The following WDR41 variants were observed in gnomAD, a reference collection of about 807,000 sequenced individuals.
The protein encoded by WDR41 is WD repeat-containing protein 41.
A neutral mutation model predicts 69.3 loss-of-function variants in WDR41; 63 were observed. The ratio of observed to expected loss-of-function variants is 0.91; its 90% confidence interval spans 0.74 to 1.12. The LOEUF (loss-of-function observed/expected upper bound fraction) is 1.12, where lower values mean the gene tolerates loss of function less well. WDR41 is among the 50% of genes most tolerant of loss of function. The probability of loss-of-function intolerance (pLI) is 0.00; values close to 1 mark genes in which losing one functional copy is unlikely to be tolerated. For synonymous variants in WDR41, 185 were observed against 192.1 expected (o/e 0.96, Z 0.31); for missense variants, 543 against 534.5 (o/e 1.02, Z -0.16).
At chr5:77,523,432 C>A (rs1415769654) in intron 1 of WDR41, among the ~76,000 whole-genome samples, 1 of 151,930 alleles carries the variant, frequency 6.6e-6, no homozygotes. Context: ...ATAATTATTT[C>A]TATTTTACAA....
intron 1 of WDR41, chr5:77,583,178 T>G (rs1743972401): frequency 1.2e-6 from 1 of 850,614 alleles, no homozygotes; most frequent in South Asian, 1.6e-5. Context: ...GTACCTGCTC[T>G]CAAATTGAAA....
intron 1 of WDR41, among the ~76,000 whole-genome samples, chr5:77,526,234 T>C (rs572720242): frequency 2.0e-5 from 3 of 152,250 alleles, no homozygotes; most frequent in Admixed American, 6.5e-5. Flanking sequence ...CTGCAAATAT[T>C]TTAAGGCAAA....
At chr5:77,512,327 T>TGAGAGAGAGAGA (rs1477962978) in intron 1 of WDR41, among the ~76,000 whole-genome samples, 1 of 74,036 alleles carries the variant, frequency 1.4e-5, no homozygotes, top group Non-Finnish European at 2.3e-5. Flanking sequence ...TTACATGGGG[T>TGAGAGAGAGAGA]GAGTGAGAGA....
At chr5:77,467,796 C>T (rs923763250) in intron 2 of WDR41, among the ~76,000 whole-genome samples, 2 of 151,914 alleles carry the variant, frequency 1.3e-5, no homozygotes, top group Admixed American at 1.3e-4. Context: ...CCCATATTTT[C>T]CTTTTATCAT....
At chr5:77,498,195 T>A (rs534999117) in intron 1 of WDR41, among the ~76,000 whole-genome samples, 4 of 152,186 alleles carry the variant, frequency 2.6e-5, no homozygotes, top group Non-Finnish European at 5.9e-5. Context: ...GTGAATGTAC[T>A]TAATGTCACT....
intron 1 of WDR41, among the ~76,000 whole-genome samples, chr5:77,606,177 T>C (rs1744414673): frequency 6.6e-6 from 1 of 152,176 alleles, no homozygotes; most frequent in Non-Finnish European, 1.5e-5. Flanking sequence ...ATCTTTTGCA[T>C]AGTCTATGAG....
rs1480601200 is a variant in WDR41, at chr5:77,540,037, T to C, written c.43-50465A>G. Among the ~76,000 whole-genome samples, 6 of 151,946 alleles carry C rather than the reference T, an allele frequency of 3.9e-5. No individual in the cohort carries two copies. The East Asian group carries it at 1.2e-3, about 29-fold the overall frequency. On this transcript the variant is annotated intron_variant, in intron 1 of 5. Transcript: ENST00000509971. The stretch of plus-strand genomic sequence containing the variant: ...AAAATACAAAGTAAAACATAAGCAA[T>C]CTTTAAGAATATTACCTAGCTTTCC...
rs1800221881 is a variant in WDR41 at position 77,464,668 on chromosome 5, T to C, written c.216+93A>G. 3.1e-6 allele frequency: 4 copies of C among 1,283,862 alleles called. No homozygotes were observed. The Admixed American group carries it at 5.4e-5, about 17-fold the overall frequency. 79.5% of individuals were successfully genotyped at this position (1,283,862 alleles called of 1,614,324 possible). On this transcript the variant is annotated intron_variant, in intron 3 of 12. Coordinates refer to ENST00000296679, the MANE Select transcript of WDR41 (RefSeq NM_018268.4). ...ATTAATGTGTCAATTAACAGTGATA[T>C]GTAAATGTATCCCCAGATAGTATTT...
intron 1 of WDR41, among the ~76,000 whole-genome samples, chr5:77,567,519 C>G (rs939069849): frequency 6.6e-6 from 1 of 152,028 alleles, no homozygotes; most frequent in Non-Finnish European, 1.5e-5. Flanking sequence ...TACATACCAA[C>G]ATTACAGGGT....
At chr5:77,509,723 T>C (rs566823413) in intron 1 of WDR41, among the ~76,000 whole-genome samples, 3 of 152,318 alleles carry the variant, frequency 2.0e-5, no homozygotes, top group African/African-American at 4.8e-5. Flanking sequence ...GCAAAAGATA[T>C]AAGGTTTCTT....
At chr5:77,577,431 G>A (rs1430408522) in intron 1 of WDR41, among the ~76,000 whole-genome samples, 1 of 151,580 alleles carries the variant, frequency 6.6e-6, no homozygotes, top group African/African-American at 2.4e-5. Context: ...TAGTAATCAA[G>A]AGATGCAAAT....
intron 6 of WDR41, chr5:77,452,489 T>C (rs1799665224): frequency 6.6e-6 from 1 of 152,204 alleles, no homozygotes; most frequent in African/African-American, 2.4e-5. Flanking sequence ...TTGTATCACA[T>C]TGACTAAGAT....
intron 1 of WDR41, among the ~76,000 whole-genome samples, chr5:77,536,562 C>A (rs138877708): frequency 2.0e-5 from 3 of 152,126 alleles, no homozygotes; most frequent in African/African-American, 7.2e-5. Context: ...CAGTCATGCA[C>A]CATATTAACA....
intron 1 of WDR41, among the ~76,000 whole-genome samples, chr5:77,538,228 T>G (rs1385811081): frequency 6.6e-6 from 1 of 152,200 alleles, no homozygotes; most frequent in South Asian, 2.1e-4. Context: ...CTGTTTCATT[T>G]AAGATAATGA....
chr5:77,590,136 TTGTTAAA>T (rs1010022891), intron 1 of WDR41, among the ~76,000 whole-genome samples: 1 of 152,236 alleles, frequency 6.6e-6, no homozygotes, highest in Non-Finnish European at 1.5e-5. Context: ...TTTTATTGAC[TTGTTAAA>T]TGTTAAACTA....
At chr5:77,566,294 C>T (rs1174337784) in intron 1 of WDR41, among the ~76,000 whole-genome samples, 1 of 152,088 alleles carries the variant, frequency 6.6e-6, no homozygotes, top group Non-Finnish European at 1.5e-5. Context: ...ATTTACTAAT[C>T]TTTATGTGTT....
chr5:77,541,204 T>A (rs577466864), intron 1 of WDR41, among the ~76,000 whole-genome samples: 1 of 152,256 alleles, frequency 6.6e-6, no homozygotes, highest in East Asian at 1.9e-4. Context: ...AATCTATCCA[T>A]CTGACAAAGG....
chr5:77,469,448 C>A (rs1443310966), intron 2 of WDR41, among the ~76,000 whole-genome samples: 2 of 152,130 alleles, frequency 1.3e-5, no homozygotes, highest in Admixed American at 1.3e-4. Context: ...CTAACATGCA[C>A]CTCTGTATTC....
chr5:77,509,824 G>A (rs146729091), intron 1 of WDR41, among the ~76,000 whole-genome samples: 1 of 152,308 alleles, frequency 6.6e-6, no homozygotes, highest in East Asian at 1.9e-4. Context: ...TACTTTAAAT[G>A]GGTAGATTAT....
Sources: allele counts gnomAD v4.1 joint callset (sites outside exome capture counted in the v4.1 genomes callset), GRCh38; gene constraint gnomAD v4.1.1; transcripts MANE v1.5; gene names NCBI Gene and HGNC (gene_info 2026-07-23, HGNC 2026-07-21).